ESD: variants seen among roughly 807,000 people sequenced by gnomAD.
The protein encoded by ESD is S-formylglutathione hydrolase.
A neutral mutation model predicts 38.1 loss-of-function variants in ESD; 34 were observed. The ratio of observed to expected loss-of-function variants is 0.89; its 90% confidence interval spans 0.68 to 1.19. The LOEUF (loss-of-function observed/expected upper bound fraction) is 1.19, where lower values mean the gene tolerates loss of function less well. ESD is among the 50% of genes most tolerant of loss of function. The pLI, the probability that ESD is intolerant of heterozygous loss-of-function variation, is 0.00. For missense variants in ESD, 334 were observed against 327.2 expected (o/e 1.02, Z -0.16); for synonymous variants, 97 against 107.0 (o/e 0.91, Z 0.58).
At chr13:46,797,029 C>T (rs1234340391) in intron 1 of ESD, 76 bp downstream of exon 1, 3 of 152,614 alleles carry the variant, frequency 2.0e-5, no homozygotes, top group African/African-American at 7.2e-5. Context: ...TCGGCGTCCG[C>T]CCCGATCACG....
chr13:46,780,454 G>T (rs1476454586), intron 7 of ESD, among the ~76,000 whole-genome samples: 1 of 151,688 alleles, frequency 6.6e-6, no homozygotes, highest in Non-Finnish European at 1.5e-5. Context: ...AGTGAGCAAT[G>T]CATTTCAATA....
chr13:46,796,860 G>A (rs578180580), intron 1 of ESD, among the ~76,000 whole-genome samples: 19 of 152,374 alleles, frequency 1.2e-4, no homozygotes, highest in African/African-American at 4.6e-4. Context: ...CGCTCGCCCC[G>A]GGTTACACTA....
chr13:46,775,716 T>C (rs749815141), intron 9 of ESD: 5 of 467,016 alleles, frequency 1.1e-5, no homozygotes, highest in Admixed American at 2.4e-5. Flanking sequence ...GAATAGAAAA[T>C]TGCACCTGAG....
intron 1 of ESD, among the ~76,000 whole-genome samples, chr13:46,795,557 G>A (rs1411676858): frequency 6.6e-6 from 1 of 152,140 alleles, no homozygotes; most frequent in Non-Finnish European, 1.5e-5. Context: ...AATCCCTTTC[G>A]CTGTTAGGCC....
rs148709800 is a variant in ESD, at chr13:46,778,668, G to A, written c.601-1045C>T. Among the ~76,000 whole-genome samples, 13 of 151,764 alleles carry A rather than the reference G, an allele frequency of 8.6e-5. No individual in the cohort carries two copies. The East Asian group carries it at 2.5e-3, about 29-fold the overall frequency. The stretch of plus-strand genomic sequence containing the variant: ...TGGATGTGAAAGGGTCACCATTTTC[G>A]TGACAAAACAGCTCAGAACCTAGCA... On this transcript the variant is annotated intron_variant, in intron 8 of 9. Coordinates refer to ENST00000378720, the MANE Select transcript of ESD (RefSeq NM_001984.2).
At chr13:46,779,734 T>A (rs1163910870) in intron 8 of ESD, among the ~76,000 whole-genome samples, 3 of 145,936 alleles carry the variant, frequency 2.1e-5, no homozygotes, top group Admixed American at 1.4e-4. Context: ...AAATAATATA[T>A]ATAATAATAT....
At chr13:46,777,685 C>G in intron 8 of ESD, 62 bp from the exon 9 acceptor site, 1 of 1,261,536 alleles carries the variant, frequency 7.9e-7, no homozygotes, top group Middle Eastern at 2.0e-4. Flanking sequence ...ATATACTATA[C>G]TAGTACCAAA....
rs1019786513 is a variant in ESD, at chr13:46,785,343, T to C, written c.158-993A>G. On this transcript the variant is annotated intron_variant, in intron 4 of 9. Transcript: ENST00000378720. ...GTTTGTTTATACTTTTTGGCTATTA[T>C]AATAGTGTGCCATGAACATTCATGT... Among the ~76,000 whole-genome samples, 5 of 152,044 alleles carry C rather than the reference T, an allele frequency of 3.3e-5. No homozygotes were observed. In the South Asian group the frequency reaches 6.2e-4, roughly 19 times the overall value.
At chr13:46,790,342 T>C (rs1046194062) in intron 3 of ESD, among the ~76,000 whole-genome samples, 1 of 152,152 alleles carries the variant, frequency 6.6e-6, no homozygotes, top group African/African-American at 2.4e-5. Flanking sequence ...TTGTCAATCA[T>C]TGCTTTACTG....
intron 1 of ESD, among the ~76,000 whole-genome samples, chr13:46,795,395 A>T (rs1477575784): frequency 1.3e-5 from 2 of 152,210 alleles, no homozygotes; most frequent in Non-Finnish European, 2.9e-5. Flanking sequence ...AAACACATAC[A>T]TAATATTTAC....
At chr13:46,776,913 G>A (rs930921852) in intron 9 of ESD, 1 of 151,900 alleles carries the variant, frequency 6.6e-6, no homozygotes, top group African/African-American at 2.4e-5. Context: ...GTGAGTAGTG[G>A]ACGGTCAAAA....
intron 9 of ESD, among the ~76,000 whole-genome samples, chr13:46,772,590 TC>T (rs1212401720): frequency 6.6e-6 from 1 of 152,146 alleles, no homozygotes; most frequent in Non-Finnish European, 1.5e-5. Flanking sequence ...TTTCCCCAAC[TC>T]CCATCGCCCT....
chr13:46,797,104 C>T lies in ESD; in HGVS notation c.-56+1G>A, dbSNP rs1875614841. ...AGGCCTCTACCCGAACCCAGTCTTA[C>T]CTACGGTGGCGGAGTGACCAGAAGA... On this transcript the variant is annotated splice_donor_variant, in intron 1 of 9. Coordinates refer to ENST00000378720, the MANE Select transcript of ESD (RefSeq NM_001984.2). LOFTEE classifies it low-confidence loss of function (5UTR_SPLICE). The T allele has an allele frequency of 6.6e-6, 1 of 152,384 alleles. No individual in the cohort carries two copies. The highest frequency in any genetic ancestry group is 6.5e-5 in the Admixed American group (1 of 15,292). 9.4% of individuals were successfully genotyped at this position (152,384 alleles called of 1,614,324 possible).
rs1296755440 is a variant in ESD at position 46,777,500 on chromosome 13, C to A, written c.724G>T (p.Ala242Ser). Residue 242 changes from alanine to serine, a missense_variant, in exon 9 of 10, where the codon GCC becomes TCC. Coordinates refer to ENST00000378720, the MANE Select transcript of ESD (RefSeq NM_001984.2). ...ACGGGGATTTTCTTTTCTGTACAGG[C>A]AGCTATGAAGTTATCAGGGAGTAAC... ...GQLLPDNFIA[A>S]CTEKKIPVVF... 6.2e-7 allele frequency: 1 copy of A among 1,609,998 alleles called. No individual in the cohort carries two copies. The highest frequency in any genetic ancestry group is 8.5e-7 in the Non-Finnish European group (1 of 1,177,380).
chr13:46,787,109 A>G lies in ESD; in HGVS notation c.69T>C (p.Ser23=). The G allele has an allele frequency of 6.5e-7, 1 of 1,537,030 alleles. No homozygotes were observed. Among genetic ancestry groups the G allele is most frequent in the South Asian group, 1.2e-5 (1 of 80,606 alleles). ...ATTTCATTTTGCAGTTTAGTTCAACACTAGTTTTAACAAAAACAACAACAA... is the reference window on the plus strand; with the variant it reads ...ATTTCATTTTGCAGTTTAGTTCAACGCTAGTTTTAACAAAAACAACAACAA... ...GGLQKVFEHD[S]VELNCKMKFA... The change falls in exon 4 of 10, where the codon AGT becomes AGC. Residue 23 remains serine (S), a splice_region_variant and synonymous_variant. Coordinates refer to ENST00000378720, the MANE Select transcript of ESD (RefSeq NM_001984.2).
At chr13:46,778,097 C>T (rs1188718673) in intron 8 of ESD, among the ~76,000 whole-genome samples, 1 of 151,692 alleles carries the variant, frequency 6.6e-6, no homozygotes, top group Non-Finnish European at 1.5e-5. Flanking sequence ...GACATAAACA[C>T]ATTCAGCCTT....
rs1227739571 is a variant in ESD at position 46,783,920 on chromosome 13, G to T, written c.256+332C>A. Among the ~76,000 whole-genome samples the T allele has an allele frequency of 2.0e-5, 3 of 151,974 alleles. No individual in the cohort carries two copies. In the East Asian group the frequency reaches 5.8e-4, roughly 29 times the overall value. On this transcript the variant is annotated intron_variant, in intron 5 of 9. Coordinates refer to ENST00000378720, the MANE Select transcript of ESD (RefSeq NM_001984.2). Reference sequence around the variant, plus strand: ...AACAAGACAGTATACCTCTGGAATAGAAAAATAATTTCCTATGCATTACAC... The same window carrying T: ...AACAAGACAGTATACCTCTGGAATATAAAAATAATTTCCTATGCATTACAC...
At chr13:46,784,391 G>C in intron 4 of ESD, 41 bp from the exon 5 acceptor site, 1 of 1,376,430 alleles carries the variant, frequency 7.3e-7, no homozygotes, top group Non-Finnish European at 1.0e-6. Flanking sequence ...ACATGGACAT[G>C]AAGATGTGCA....
chr13:46,791,637 T>C (rs1875406309), intron 2 of ESD, among the ~76,000 whole-genome samples: 1 of 152,076 alleles, frequency 6.6e-6, no homozygotes, highest in African/African-American at 2.4e-5. Flanking sequence ...CTTTCATACT[T>C]TGGTATATCA....
Sources: allele counts gnomAD v4.1 joint callset (sites outside exome capture counted in the v4.1 genomes callset), GRCh38; gene constraint gnomAD v4.1.1; transcripts MANE v1.5; gene names NCBI Gene and HGNC (gene_info 2026-07-23, HGNC 2026-07-21).